The following LANCL2 variants were observed in gnomAD, a reference collection of about 807,000 sequenced individuals.
LANCL2 encodes LanC like glutathione S-transferase 2.
Under a neutral mutation model 56.9 loss-of-function variants are expected in LANCL2, and 33 were observed. The ratio of observed to expected loss-of-function variants is 0.58; its 90% CI spans 0.44 to 0.78. The LOEUF is 0.78. Ranked by LOEUF, LANCL2 falls within the 30% of genes least tolerant of loss-of-function variation. The probability of loss-of-function intolerance (pLI) is 0.00; values close to 1 mark genes in which losing one functional copy is unlikely to be tolerated. For missense variants in LANCL2, 562 were observed against 580.2 expected (o/e 0.97, Z 0.32); for synonymous variants, 233 against 228.2 (o/e 1.02, Z -0.19).
At position 55,400,044 on chromosome 7, in the gene LANCL2, C is replaced by G; in HGVS notation, c.618C>G (p.Ala206=). 2 of 1,613,670 alleles carry G rather than the reference C, an allele frequency of 1.2e-6. No individual in the cohort carries two copies. Among genetic ancestry groups the G allele is most frequent in the Non-Finnish European group, 1.7e-6 (2 of 1,179,720 alleles). Reference sequence around the variant, plus strand: ...ATGGACGGGCAGGTTATCTGTATGCCTTACTGTACCTGAACACAGAGATAG... The same window carrying G: ...ATGGACGGGCAGGTTATCTGTATGCGTTACTGTACCTGAACACAGAGATAG... ...LLYGRAGYLY[A]LLYLNTEIGP... The change falls in exon 4 of 9, where the codon GCC becomes GCG. Residue 206 remains alanine, a synonymous_variant. Coordinates refer to ENST00000254770, the MANE Select transcript of LANCL2 (RefSeq NM_018697.4).
intron 6 of LANCL2, among the ~76,000 whole-genome samples, chr7:55,424,770 C>T (rs28385521): frequency 0.016 from 2,491 of 152,224 alleles, 72 homozygotes; most frequent in African/African-American, 0.055. Flanking sequence ...AGCGAGCAAG[C>T]GAAGCTTCAA....
chr7:55,410,292 A>G (rs565603607), intron 5 of LANCL2, among the ~76,000 whole-genome samples: 29 of 152,380 alleles, frequency 1.9e-4, no homozygotes, highest in African/African-American at 6.5e-4. Context: ...TTTTGGAAAT[A>G]AACTTAATGA....
At chr7:55,368,926 C>T (rs1411944241) in intron 1 of LANCL2, among the ~76,000 whole-genome samples, 6 of 152,132 alleles carry the variant, frequency 3.9e-5, no homozygotes, top group Non-Finnish European at 1.5e-5. Flanking sequence ...AGGAGGATCA[C>T]TTGAGGGCAG....
chr7:55,404,517 A>G (rs949911285), intron 5 of LANCL2, among the ~76,000 whole-genome samples: 1 of 152,196 alleles, frequency 6.6e-6, no homozygotes, highest in Non-Finnish European at 1.5e-5. Flanking sequence ...ATACCTACAC[A>G]GGATTAAAAC....
At position 55,366,165 on chromosome 7, in the gene LANCL2, C is replaced by T. The variant is rs1364720141; in HGVS notation, c.140C>T (p.Thr47Ile). The T allele has an allele frequency of 6.4e-7, 1 of 1,560,514 alleles. No homozygotes were observed. Among genetic ancestry groups the T allele is most frequent in the Non-Finnish European group, 8.7e-7 (1 of 1,151,732 alleles). Reference sequence around the variant, plus strand: ...CTCGCCTCCGGAGCGGCCGAAGAGACAGGCTGTGTTCGTCCCCCGGCGACC... The same window carrying T: ...CTCGCCTCCGGAGCGGCCGAAGAGATAGGCTGTGTTCGTCCCCCGGCGACC... ...ALLASGAAEE[T>I]GCVRPPATTD... The change falls in exon 1 of 9, where the codon ACA becomes ATA. Residue 47 changes from threonine to isoleucine, a missense_variant. By Grantham distance (89) the Thr-to-Ile change is moderately conservative (BLOSUM62 -1). Transcript: ENST00000254770.
Position 55,398,606 on chromosome 7 carries a change from G to C in LANCL2, c.506G>C (p.Cys169Ser). The change falls in exon 3 of 9, where the codon TGT (cysteine) becomes TCT (serine). Residue 169 changes from cysteine (C) to serine (S), a missense_variant. Physicochemically the swap from Cys to Ser is moderately radical, Grantham distance 112. Transcript: ENST00000254770. Reference protein sequence around the residue: ...AVIYHKLRSDCESQECVTKLL... With the variant: ...AVIYHKLRSDSESQECVTKLL... ...ATTTATCACAAACTCAGAAGTGACTGTGAGTCCCAGGAATGTGTCACAAAG... is the reference window on the plus strand; with the variant it reads ...ATTTATCACAAACTCAGAAGTGACTCTGAGTCCCAGGAATGTGTCACAAAG... 1 of 1,613,512 alleles carries C rather than the reference G, an allele frequency of 6.2e-7. No homozygotes were observed. Among genetic ancestry groups the C allele is most frequent in the Non-Finnish European group, 8.5e-7 (1 of 1,179,816 alleles).
rs756671170 is a variant in LANCL2, at chr7:55,401,212, A to G, written c.717A>G (p.Ser239=). 6.2e-7 allele frequency: 1 copy of G among 1,614,156 alleles called. No individual in the cohort carries two copies. The highest frequency in any genetic ancestry group is 8.5e-7 in the Non-Finnish European group (1 of 1,179,998). The part of the protein sequence containing the change: ...NAIIESGKTL[S]REERKTERCP... ...TTATTGAATCGGGTAAGACTTTGTCAAGGGAAGAAAGAAAAACGGAGCGCT... is the reference window on the plus strand; with the variant it reads ...TTATTGAATCGGGTAAGACTTTGTCGAGGGAAGAAAGAAAAACGGAGCGCT... Residue 239 remains serine, a synonymous_variant, in exon 5 of 9, where the codon TCA becomes TCG. Transcript: ENST00000254770.
chr7:55,403,089 G>A (rs1242422616), intron 5 of LANCL2, among the ~76,000 whole-genome samples: 1 of 152,200 alleles, frequency 6.6e-6, no homozygotes, highest in Non-Finnish European at 1.5e-5. Context: ...AAGGCAGGCA[G>A]CTGGGAGGTG....
chr7:55,373,950 G>GT (rs2128991084), intron 1 of LANCL2, among the ~76,000 whole-genome samples: 1 of 152,296 alleles, frequency 6.6e-6, no homozygotes, highest in African/African-American at 2.4e-5. Context: ...AACAAACCGA[G>GT]TTTCTTTTTC....
chr7:55,410,186 G>A (rs1477086969), intron 5 of LANCL2, among the ~76,000 whole-genome samples: 3 of 152,288 alleles, frequency 2.0e-5, no homozygotes, highest in Non-Finnish European at 4.4e-5. Context: ...ATGGTCTGTT[G>A]GTCTTTGAGA....
chr7:55,409,124 T>C (rs960705790), intron 5 of LANCL2, among the ~76,000 whole-genome samples: 1 of 151,318 alleles, frequency 6.6e-6, no homozygotes, highest in African/African-American at 2.4e-5. Flanking sequence ...AGTCTTGCTC[T>C]GTTGCCCAGG....
chr7:55,398,396 T>G, intron 2 of LANCL2, 27 bp from the exon 3 acceptor site: 1 of 1,535,922 alleles, frequency 6.5e-7, no homozygotes, highest in Non-Finnish European at 9.0e-7. Context: ...AATAATGCTT[T>G]TCTTTTGGGG....
At chr7:55,402,856 G>A (rs1790356817) in intron 5 of LANCL2, among the ~76,000 whole-genome samples, 1 of 148,588 alleles carries the variant, frequency 6.7e-6, no homozygotes, top group South Asian at 2.1e-4. Context: ...GCAGGGCAGA[G>A]GCGCTCCCCA....
At position 55,415,943 on chromosome 7, in the gene LANCL2, A is replaced by G. The variant is rs576514072; in HGVS notation, c.1008+3854A>G. Among the ~76,000 whole-genome samples, 4 of 152,162 alleles carry G rather than the reference A, an allele frequency of 2.6e-5. No individual in the cohort carries two copies. The East Asian group carries it at 5.8e-4, about 22-fold the overall frequency. On this transcript the variant is annotated intron_variant, in intron 6 of 8. Transcript: ENST00000254770. ...TTATCATTGTTTTTCATCGGTTTCC[A>G]GGTTTTGGCTATTAGGAACAAGCTG...
chr7:55,375,754 C>A (rs1789993625), intron 1 of LANCL2, among the ~76,000 whole-genome samples: 1 of 152,220 alleles, frequency 6.6e-6, no homozygotes, highest in South Asian at 2.1e-4. Flanking sequence ...GCCTTCTCTC[C>A]TGGAGGCCCT....
At chr7:55,408,468 C>T (rs1790435593) in intron 5 of LANCL2, among the ~76,000 whole-genome samples, 1 of 152,014 alleles carries the variant, frequency 6.6e-6, no homozygotes, top group Non-Finnish European at 1.5e-5. Flanking sequence ...GAGTTTGAGA[C>T]CAGCCTGGCC....
chr7:55,386,394 A>C (rs1278405757), intron 1 of LANCL2, among the ~76,000 whole-genome samples: 1 of 152,216 alleles, frequency 6.6e-6, no homozygotes, highest in African/African-American at 2.4e-5. Flanking sequence ...TTCTTCTCTC[A>C]TGGCTTCAGC....
rs571995466 is a variant in LANCL2, at chr7:55,391,080, G to A, written c.205-713G>A. Among the ~76,000 whole-genome samples, 824 of 146,658 alleles carry A rather than the reference G, an allele frequency of 5.6e-3. 17 individuals are homozygous for A. The highest frequency in any genetic ancestry group is 0.02 in the African/African-American group (784 of 39,692). ...CGCCCAGGCTGGAGTGCAGTGGTGC[G>A]ATCTCGGCTCACTGTAAGCTCCGCC... On this transcript the variant is annotated intron_variant, in intron 1 of 8. Coordinates refer to ENST00000254770, the MANE Select transcript of LANCL2 (RefSeq NM_018697.4).
chr7:55,370,645 C>T (rs1182325712), intron 1 of LANCL2, among the ~76,000 whole-genome samples: 1 of 152,140 alleles, frequency 6.6e-6, no homozygotes, highest in Non-Finnish European at 1.5e-5. Context: ...TCTGCCCATT[C>T]GCATCAGGGA....
Sources: allele counts gnomAD v4.1 joint callset (sites outside exome capture counted in the v4.1 genomes callset), GRCh38; gene constraint gnomAD v4.1.1; transcripts MANE v1.5; gene names NCBI Gene and HGNC (gene_info 2026-07-23, HGNC 2026-07-21).